Variants in RYR3 observed in about 807,000 individuals in gnomAD.
The protein encoded by RYR3 is brain ryanodine receptor-calcium release channel.
Under a neutral mutation model 584.3 loss-of-function variants are expected in RYR3, and 207 were observed. The ratio of observed to expected loss-of-function variants is 0.35; its 90% CI spans 0.32 to 0.40. The LOEUF is 0.40. Among genes scored for constraint, RYR3 ranks in the 10% least tolerant of loss-of-function variants. The pLI is 1.00. For synonymous variants in RYR3, 2,416 were observed against 2,248.5 expected, an observed-to-expected ratio of 1.07 and a Z score of -2.11; for missense variants, 5,616 against 6,089.2, an observed-to-expected ratio of 0.92 and a Z score of 2.59.
intron 40 of RYR3, among the ~76,000 whole-genome samples, chr15:33,699,299 C>G (rs2066110516): frequency 8.0e-6 from 1 of 124,584 alleles, no homozygotes; most frequent in Non-Finnish European, 1.6e-5. Context: ...TCCTCTTTCT[C>G]TCCTCACTCT....
At position 33,662,786 on chromosome 15, in the gene RYR3, C is replaced by G. The variant is rs1168377917; in HGVS notation, c.5256C>G (p.Pro1752=). 8 of 1,613,876 alleles carry G rather than the reference C, an allele frequency of 5.0e-6. No homozygotes were observed. The Admixed American group carries it at 1.2e-4, about 24-fold the overall frequency. ...GGCAGATCCTCCTCCTGATTGATCC[C>G]TCTGTGTTTGGGGAGCATAGTGCGG... is the stretch of plus-strand genomic sequence containing the variant. ...DVRQILLLID[P]SVFGEHSAGT... The change falls in exon 35 of 104, where the codon CCC becomes CCG. Residue 1752 remains proline (P), a synonymous_variant. Coordinates refer to ENST00000634891, the MANE Select transcript of RYR3 (RefSeq NM_001036.6).
chr15:33,685,751 C>T (rs1051637834), intron 38 of RYR3, among the ~76,000 whole-genome samples: 2 of 152,160 alleles, frequency 1.3e-5, no homozygotes, highest in Non-Finnish European at 2.9e-5. Flanking sequence ...TCTCTAAGAC[C>T]ACAGTGCAAT....
intron 38 of RYR3, among the ~76,000 whole-genome samples, chr15:33,680,127 T>C (rs1343428385): frequency 3.9e-5 from 6 of 152,174 alleles, no homozygotes; most frequent in Non-Finnish European, 8.8e-5. Context: ...ATGAGAATAA[T>C]AGTAGCTCCT....
intron 29 of RYR3, 36 bp downstream of exon 29, chr15:33,646,562 T>G: frequency 6.4e-7 from 1 of 1,567,918 alleles, no homozygotes; most frequent in Non-Finnish European, 8.7e-7. Context: ...GAGGCACTCA[T>G]TGTATCTCCT....
At chr15:33,669,844 G>GTC (rs559746521) in intron 37 of RYR3, among the ~76,000 whole-genome samples, 1 of 40,854 alleles carries the variant, frequency 2.4e-5, no homozygotes, top group South Asian at 7.1e-4. Flanking sequence ...GTGTGTGTGT[G>GTC]GGGGGGGGGG....
At chr15:33,840,045 AATAAG>A (rs2078263097) in intron 89 of RYR3, among the ~76,000 whole-genome samples, 1 of 152,190 alleles carries the variant, frequency 6.6e-6, no homozygotes, top group Non-Finnish European at 1.5e-5. Flanking sequence ...GAAGACAACA[AATAAG>A]ATAATTATCA....
chr15:33,600,789 T>C (rs2059621889), intron 16 of RYR3, among the ~76,000 whole-genome samples: 1 of 152,174 alleles, frequency 6.6e-6, no homozygotes, highest in African/African-American at 2.4e-5. Flanking sequence ...TCACCCCACC[T>C]ACAGGAGATT....
intron 94 of RYR3, chr15:33,850,612 A>G (rs1488259618): frequency 6.6e-6 from 1 of 151,566 alleles, no homozygotes; most frequent in African/African-American, 2.4e-5. Context: ...CATGTTTTGT[A>G]ACGTGCTTTT....
At chr15:33,523,478 C>T (rs1269965919) in intron 3 of RYR3, among the ~76,000 whole-genome samples, 3 of 152,126 alleles carry the variant, frequency 2.0e-5, no homozygotes. Flanking sequence ...TAGCACTCAC[C>T]GCAAGGTCTG....
intron 15 of RYR3, among the ~76,000 whole-genome samples, chr15:33,585,172 C>T (rs1647277766): frequency 6.6e-6 from 1 of 152,022 alleles, no homozygotes; most frequent in South Asian, 2.1e-4. Flanking sequence ...TTTAACAGAC[C>T]GGCCAAGAGA....
chr15:33,779,677 G>T (rs762750536), intron 64 of RYR3, among the ~76,000 whole-genome samples: 1 of 152,118 alleles, frequency 6.6e-6, no homozygotes, highest in Non-Finnish European at 1.5e-5. Context: ...GGACAAAGCC[G>T]CACAGTGTGT....
chr15:33,792,456 C>A (rs1172006983), intron 67 of RYR3, among the ~76,000 whole-genome samples: 2 of 152,178 alleles, frequency 1.3e-5, no homozygotes, highest in African/African-American at 4.8e-5. Context: ...CCCTTCTCTC[C>A]CATCAGTCAG....
chr15:33,785,223 A>G (rs911143024), intron 65 of RYR3, among the ~76,000 whole-genome samples: 2 of 152,134 alleles, frequency 1.3e-5, no homozygotes, highest in Admixed American at 6.5e-5. Flanking sequence ...CCGAGTATAG[A>G]TGTGATCCAG....
Position 33,746,032 on chromosome 15 carries a change from G to A in RYR3, c.7900-36G>A, listed in dbSNP as rs370886077. The A allele has an allele frequency of 5.3e-5, 76 of 1,429,894 alleles. No homozygotes were observed. In the Middle Eastern group the frequency reaches 2.1e-3, roughly 39 times the overall value. 88.6% of individuals were successfully genotyped at this position (1,429,894 alleles called of 1,614,324 possible). A position where few individuals can be genotyped will look rare whatever the true frequency, so the allele number is the denominator to read the frequency against. On this transcript the variant is annotated intron_variant, in intron 52 of 103. Coordinates refer to ENST00000634891, the MANE Select transcript of RYR3 (RefSeq NM_001036.6). ...TGGGTCACATAGCGGGGTTCTTTGC[G>A]TGCCAAGGATATTTGAACTGAGAAC...
Position 33,838,443 on chromosome 15 carries a change from G to A in RYR3, c.12463G>A (p.Asp4155Asn), listed in dbSNP as rs200893645. ...ACASVKRNVT[D>N]FLKRATLKNL... ...TGCCTCTGTGAAGAGGAATGTCACCGACTTCCTGAAGAGAGCAACCCTGAA... is the reference window on the plus strand; with the variant it reads ...TGCCTCTGTGAAGAGGAATGTCACCAACTTCCTGAAGAGAGCAACCCTGAA... Residue 4155 changes from aspartate (D) to asparagine (N), a missense_variant, in exon 89 of 104, where the codon GAC becomes AAC. Around this residue, in one of 9 missense-constraint regions of RYR3, gnomAD observed 918 missense variants for 887.4 expected, o/e 1.03. Coordinates refer to ENST00000634891, the MANE Select transcript of RYR3 (RefSeq NM_001036.6). The A allele has an allele frequency of 9.4e-5, 152 of 1,613,974 alleles. 1 individual carries two copies. In the East Asian group the frequency reaches 1.5e-3, roughly 16 times the overall value.
At chr15:33,646,271 G>A (rs1369093765) in intron 28 of RYR3, 80 bp from the exon 29 acceptor site, 2 of 1,262,704 alleles carry the variant, frequency 1.6e-6, no homozygotes, top group Non-Finnish European at 2.2e-6. Flanking sequence ...CTTGCCATGT[G>A]CATGTCCACG....
intron 2 of RYR3, among the ~76,000 whole-genome samples, chr15:33,500,431 A>G (rs531045036): frequency 1.1e-4 from 16 of 152,314 alleles, no homozygotes; most frequent in African/African-American, 3.8e-4. Flanking sequence ...ATATAGATTT[A>G]TGGAGCATGG....
At chr15:33,451,927 A>C (rs2047163488) in intron 1 of RYR3, among the ~76,000 whole-genome samples, 1 of 152,228 alleles carries the variant, frequency 6.6e-6, no homozygotes, top group Admixed American at 6.5e-5. Context: ...CTCAAACCGG[A>C]GTCTTTGGGA....
At chr15:33,561,234 TGTC>T (rs1372884532) in intron 10 of RYR3, among the ~76,000 whole-genome samples, 3 of 152,304 alleles carry the variant, frequency 2.0e-5, no homozygotes, top group East Asian at 3.9e-4. Context: ...AAAAAGAAAA[TGTC>T]GTATAGACAA....
Sources: gnomAD v4.1 joint callset for allele counts (sites outside exome capture counted in the v4.1 genomes callset) on GRCh38, gnomAD v4.1.1 for gene constraint, gnomAD v4.1.1 regional missense constraint, MANE v1.5 for transcripts, NCBI Gene and HGNC (gene_info 2026-07-23, HGNC 2026-07-21) for gene names.